The following CCDC149 variants were observed in gnomAD, a reference collection of about 807,000 sequenced individuals.
CCDC149 encodes the protein coiled-coil domain-containing protein 149.
In CCDC149, 45 loss-of-function variants were observed where a neutral mutation model predicts 59.9. That is an observed-to-expected ratio of 0.75 (90% CI 0.59 to 0.96). CCDC149 has a LOEUF of 0.96. Among genes scored for constraint, CCDC149 ranks in the 40% least tolerant of loss-of-function variants. CCDC149 has a pLI of 0.00. For synonymous variants in CCDC149, 245 were observed against 260.6 expected (o/e 0.94, Z 0.58); for missense variants, 584 against 664.7 (o/e 0.88, Z 1.33).
chr4:24,853,473 A>G (rs1717797383), intron 3 of CCDC149, among the ~76,000 whole-genome samples: 1 of 152,098 alleles, frequency 6.6e-6, no homozygotes, highest in African/African-American at 2.4e-5. Context: ...CTTAAACAAA[A>G]AAAAATTGTG....
rs573826669 is a variant in CCDC149 at position 24,807,926 on chromosome 4, C to G, written c.*463G>C. 2.3e-3 allele frequency: 349 copies of G among 152,734 alleles called. No individual in the cohort carries two copies. Among genetic ancestry groups the G allele is most frequent in the Non-Finnish European group, 4.1e-3 (279 of 68,378 alleles). 9.5% of individuals were successfully genotyped at this position (152,734 alleles called of 1,614,324 possible). On this transcript the variant is annotated 3_prime_UTR_variant, in exon 13 of 13. Coordinates refer to ENST00000635206, the MANE Select transcript of CCDC149 (RefSeq NM_001330643.2). ...GGTGCAGCCATGGGTCCTCTGGACA[C>G]GTTTTGCTCAATTATACCTTCCTCT...
Position 24,808,874 on chromosome 4 carries a change from G to A in CCDC149, c.1193-55C>T, listed in dbSNP as rs58864021. The A allele has an allele frequency of 4.7e-3, 6,763 of 1,443,802 alleles. 251 individuals are homozygous for A. The African/African-American group carries it at 0.08, about 17-fold the overall frequency. The allele number at this position is 1,443,802 out of a possible 1,614,324, so 89.4% of individuals were successfully genotyped here. A position where few individuals can be genotyped will look rare whatever the true frequency, so the allele number is the denominator to read the frequency against. ...CTCTGGCAGCAAATCAGCCCTCACCGCCCCTCTTCTGCCAACCTCCTGCCC... is the reference window on the plus strand; with the variant it reads ...CTCTGGCAGCAAATCAGCCCTCACCACCCCTCTTCTGCCAACCTCCTGCCC... On this transcript the variant is annotated intron_variant, in intron 12 of 12. Transcript: ENST00000635206.
At chr4:24,958,393 C>T (rs753417381) in intron 1 of CCDC149, among the ~76,000 whole-genome samples, 59 of 152,194 alleles carry the variant, frequency 3.9e-4, no homozygotes, top group Non-Finnish European at 5.6e-4. Context: ...CTATCTAAAG[C>T]TCACAAAGTG....
At chr4:24,873,588 T>C in intron 3 of CCDC149, 93 bp downstream of exon 3, 1 of 860,478 alleles carries the variant, frequency 1.2e-6, no homozygotes, top group South Asian at 1.4e-5. Context: ...TTCCAGGAAA[T>C]TAAAGGAAGT....
At chr4:24,978,909 T>G (rs1577521464) in intron 1 of CCDC149, among the ~76,000 whole-genome samples, 1 of 152,226 alleles carries the variant, frequency 6.6e-6, no homozygotes, top group Non-Finnish European at 1.5e-5. Context: ...CTGTGGCTGG[T>G]TGTCCAACAC....
At chr4:24,885,675 C>G (rs1720129851) in intron 1 of CCDC149, among the ~76,000 whole-genome samples, 1 of 152,156 alleles carries the variant, frequency 6.6e-6, no homozygotes, top group African/African-American at 2.4e-5. Flanking sequence ...TAGGAGGGGC[C>G]AAGAGACAAA....
At chr4:24,852,159 C>G (rs1478109915) in intron 4 of CCDC149, among the ~76,000 whole-genome samples, 3 of 151,930 alleles carry the variant, frequency 2.0e-5, no homozygotes, top group Admixed American at 2.0e-4. Context: ...AAAGAGTGAG[C>G]ATTTTTCATA....
At chr4:24,863,401 C>T (rs1039836338) in intron 3 of CCDC149, among the ~76,000 whole-genome samples, 4 of 152,212 alleles carry the variant, frequency 2.6e-5, no homozygotes, top group African/African-American at 4.8e-5. Flanking sequence ...ATGTTTTCAC[C>T]TGTGTCCTTA....
intron 1 of CCDC149, among the ~76,000 whole-genome samples, chr4:24,970,477 G>A (rs1723931837): frequency 6.6e-6 from 1 of 152,136 alleles, no homozygotes. Flanking sequence ...TGGCTACTGG[G>A]GGGACGTGTA....
Position 24,889,007 on chromosome 4 carries a change from G to C in CCDC149, c.64-12310C>G, listed in dbSNP as rs139805110. Among the ~76,000 whole-genome samples, 107 of 151,712 alleles carry C rather than the reference G, an allele frequency of 7.1e-4. No homozygotes were observed. In the South Asian group the frequency reaches 7.7e-3, roughly 11 times the overall value. On this transcript the variant is annotated intron_variant, in intron 1 of 12. Transcript: ENST00000635206. ...TTTGACAGGCAAACTTTGATTATTT[G>C]AATGCCCCAGGGGATGTGCTGAAAT...
At chr4:24,978,132 A>G (rs1695406817) in intron 1 of CCDC149, among the ~76,000 whole-genome samples, 2 of 152,204 alleles carry the variant, frequency 1.3e-5, no homozygotes, top group Admixed American at 1.3e-4. Flanking sequence ...CCCTGTCTCA[A>G]AAATAAATAA....
chr4:24,976,218 A>G (rs913528618), intron 1 of CCDC149, among the ~76,000 whole-genome samples: 1 of 152,188 alleles, frequency 6.6e-6, no homozygotes, highest in Non-Finnish European at 1.5e-5. Context: ...TTACTAATCT[A>G]TCTGGGCCCC....
chr4:24,971,976 T>G (rs28620306), intron 1 of CCDC149, among the ~76,000 whole-genome samples: 2 of 152,210 alleles, frequency 1.3e-5, no homozygotes, highest in African/African-American at 4.8e-5. Flanking sequence ...TCTTCATGAC[T>G]TGGAAGCTCT....
At chr4:24,889,757 C>T (rs972867237) in intron 1 of CCDC149, among the ~76,000 whole-genome samples, 1 of 152,192 alleles carries the variant, frequency 6.6e-6, no homozygotes, top group African/African-American at 2.4e-5. Flanking sequence ...GTCAGCAAAG[C>T]ATGTACAATA....
intron 1 of CCDC149, among the ~76,000 whole-genome samples, chr4:24,971,287 T>C (rs931215388): frequency 5.9e-5 from 9 of 152,150 alleles, no homozygotes; most frequent in African/African-American, 2.2e-4. Flanking sequence ...TTGTTGTGGG[T>C]TATGAATTCA....
intron 1 of CCDC149, among the ~76,000 whole-genome samples, chr4:24,887,275 T>A (rs965356180): frequency 5.1e-5 from 1 of 19,542 alleles, no homozygotes; most frequent in African/African-American, 2.2e-4. Flanking sequence ...TGGGGTGTAG[T>A]GGGGGTGGGG....
At position 24,838,245 on chromosome 4, in the gene CCDC149, T is replaced by C. The variant is rs1446208033; in HGVS notation, c.400A>G (p.Arg134Gly). 1 of 1,613,992 alleles carries C rather than the reference T, an allele frequency of 6.2e-7. No individual in the cohort carries two copies. Among genetic ancestry groups the C allele is most frequent in the Non-Finnish European group, 8.5e-7 (1 of 1,179,982 alleles). Reference sequence around the variant, plus strand: ...ACGCCGATTGCTTCGTCTCCGAGCCTTTGTTTGGCAATCGTCATCCTCAAG... The same window carrying C: ...ACGCCGATTGCTTCGTCTCCGAGCCCTTGTTTGGCAATCGTCATCCTCAAG... Residue 134 changes from arginine (R) to glycine (G), a missense_variant, in exon 5 of 13, where the codon AGG (arginine) becomes GGG (glycine). Coordinates refer to ENST00000635206, the MANE Select transcript of CCDC149 (RefSeq NM_001330643.2).
chr4:24,912,940 C>A lies in CCDC149; in HGVS notation c.-61G>T, dbSNP rs892756371. 11 of 1,043,418 alleles carry A rather than the reference C, an allele frequency of 1.1e-5. No homozygotes were observed. In the Admixed American group the frequency reaches 1.5e-4, roughly 14 times the overall value. The allele number at this position is 1,043,418 out of a possible 1,614,324, so 64.6% of individuals were successfully genotyped here. Reference sequence around the variant, plus strand: ...CCTCCTCGCGACGTCGCGTCGCCGCCGCCGCCCGGGCCCCGCGCGGCCCCG... The same window carrying A: ...CCTCCTCGCGACGTCGCGTCGCCGCAGCCGCCCGGGCCCCGCGCGGCCCCG... On this transcript the variant is annotated 5_prime_UTR_variant, in exon 1 of 13. Coordinates refer to ENST00000635206, the MANE Select transcript of CCDC149 (RefSeq NM_001330643.2).
chr4:24,944,126 A>C (rs1467340053), intron 1 of CCDC149, among the ~76,000 whole-genome samples: 2 of 152,204 alleles, frequency 1.3e-5, no homozygotes, highest in African/African-American at 2.4e-5. Context: ...CACTATTCAC[A>C]ATAACAAAGA....
Sources: allele counts gnomAD v4.1 joint callset (sites outside exome capture counted in the v4.1 genomes callset), GRCh38; gene constraint gnomAD v4.1.1; transcripts MANE v1.5; gene names NCBI Gene and HGNC (gene_info 2026-07-23, HGNC 2026-07-21).